Variants in OTOGL observed in about 807,000 individuals in gnomAD.
OTOGL encodes the protein otogelin like.
A neutral mutation model predicts 318.5 loss-of-function variants in OTOGL; 285 were observed. The ratio of observed to expected loss-of-function variants is 0.89; its 90% CI spans 0.81 to 0.99. The LOEUF (loss-of-function observed/expected upper bound fraction) is 0.99, where lower values mean the gene tolerates loss of function less well. Among genes scored for constraint, OTOGL ranks in the 50% least tolerant of loss-of-function variants. The probability of loss-of-function intolerance (pLI) is 0.00; values close to 1 mark genes in which losing one functional copy is unlikely to be tolerated. For synonymous variants in OTOGL, 987 were observed against 936.5 expected, an observed-to-expected ratio of 1.05 and a Z score of -0.99; for missense variants, 2,899 against 2,845.6, an observed-to-expected ratio of 1.02 and a Z score of -0.43.
rs949577105 is a variant in OTOGL, at chr12:80,261,946, T to A, written c.1890-23T>A. 3.1e-6 allele frequency: 5 copies of A among 1,606,802 alleles called. No homozygotes were observed. The African/African-American group carries it at 6.7e-5, about 22-fold the overall frequency. ...CAAATGAATGAGAGATACATGAAGA[T>A]GAGCATTGTCTTTGCTTTCTAGTTC... On this transcript the variant is annotated intron_variant, in intron 18 of 58. Transcript: ENST00000547103.
At chr12:80,319,308 A>G (rs927702184) in intron 33 of OTOGL, among the ~76,000 whole-genome samples, 3 of 152,130 alleles carry the variant, frequency 2.0e-5, no homozygotes, top group African/African-American at 7.2e-5. Flanking sequence ...CTTCTGATCC[A>G]GTGATGTTCA....
At chr12:80,106,234 C>T (rs1869446122) in intron 1 of OTOGL, among the ~76,000 whole-genome samples, 1 of 152,162 alleles carries the variant, frequency 6.6e-6, no homozygotes, top group Non-Finnish European at 1.5e-5. Context: ...GCAGATTTAT[C>T]TTCTCTTGAA....
rs1228480451 is a variant in OTOGL at position 80,210,870 on chromosome 12, T to C, written c.103T>C (p.Leu35=). Residue 35 remains leucine, a synonymous_variant, in exon 3 of 59, where the codon TTG becomes CTG. Transcript: ENST00000547103. Reference sequence around the variant, plus strand: ...AGAATATATTTGTGCATCGTCTATATTGATGGGAACATCAAAGTGAGTATT... The same window carrying C: ...AGAATATATTTGTGCATCGTCTATACTGATGGGAACATCAAAGTGAGTATT... ...LQEYICASSI[L]MGTSKNGFNE... The C allele has an allele frequency of 1.3e-6, 2 of 1,486,954 alleles. No individual in the cohort carries two copies. Among genetic ancestry groups the C allele is most frequent in the African/African-American group, 1.4e-5 (1 of 71,074 alleles). 92.1% of individuals were successfully genotyped at this position (1,486,954 alleles called of 1,614,324 possible).
chr12:80,224,961 G>A (rs113906494), intron 7 of OTOGL, among the ~76,000 whole-genome samples: 3,361 of 152,008 alleles, frequency 0.022, 130 homozygotes, highest in African/African-American at 0.076. Context: ...TCTCCATGAT[G>A]TGATTATGTA....
At chr12:80,102,484 C>T (rs1020803783) in intron 1 of OTOGL, among the ~76,000 whole-genome samples, 1 of 152,220 alleles carries the variant, frequency 6.6e-6, no homozygotes, top group Non-Finnish European at 1.5e-5. Context: ...CCTATGTCCA[C>T]TTGATTACCA....
chr12:80,151,679 G>A (rs1193937649), intron 1 of OTOGL, among the ~76,000 whole-genome samples: 3 of 152,110 alleles, frequency 2.0e-5, no homozygotes, highest in Non-Finnish European at 4.4e-5. Flanking sequence ...GACACCTTGT[G>A]GCTTGTAAAT....
intron 35 of OTOGL, among the ~76,000 whole-genome samples, chr12:80,325,045 T>C (rs1468907704): frequency 6.6e-6 from 1 of 151,586 alleles, no homozygotes; most frequent in Non-Finnish European, 1.5e-5. Flanking sequence ...TTTTTTTTAA[T>C]AATATAAGAA....
At chr12:80,112,076 G>T (rs1274435889) in intron 1 of OTOGL, among the ~76,000 whole-genome samples, 1 of 152,146 alleles carries the variant, frequency 6.6e-6, no homozygotes, top group Non-Finnish European at 1.5e-5. Context: ...AGGAATGCTT[G>T]TGATTTTTGC....
chr12:80,359,930 T>A (rs949870077), intron 52 of OTOGL, among the ~76,000 whole-genome samples: 13 of 152,228 alleles, frequency 8.5e-5, no homozygotes, highest in African/African-American at 2.9e-4. Flanking sequence ...GTGAGAAAGA[T>A]GAGGTCTAAG....
intron 1 of OTOGL, among the ~76,000 whole-genome samples, chr12:80,196,809 T>C (rs770439927): frequency 1.3e-5 from 2 of 152,198 alleles, no homozygotes; most frequent in Non-Finnish European, 2.9e-5. Context: ...TTACTGGCTT[T>C]GTGAGAAGTC....
intron 9 of OTOGL, 73 bp from the exon 10 acceptor site, chr12:80,238,778 C>T: frequency 7.5e-7 from 1 of 1,326,846 alleles, no homozygotes; most frequent in Non-Finnish European, 9.7e-7. Flanking sequence ...TGTTGAAGAA[C>T]CATGTCTGTT....
At chr12:80,274,058 A>G (rs1883614096) in intron 24 of OTOGL, among the ~76,000 whole-genome samples, 1 of 152,000 alleles carries the variant, frequency 6.6e-6, no homozygotes, top group Admixed American at 6.6e-5. Context: ...CTGAGACACA[A>G]TACTGAAATT....
At chr12:80,315,412 G>C (rs759207866) in intron 32 of OTOGL, among the ~76,000 whole-genome samples, 9 of 152,208 alleles carry the variant, frequency 5.9e-5, no homozygotes, top group Non-Finnish European at 1.0e-4. Context: ...AGGTATAGAT[G>C]TAAGAAGAGA....
chr12:80,289,984 A>G lies in OTOGL; in HGVS notation c.2929-6843A>G, dbSNP rs552844676. On this transcript the variant is annotated intron_variant, in intron 26 of 58. Coordinates refer to ENST00000547103, the MANE Select transcript of OTOGL (RefSeq NM_001378609.3). Reference sequence around the variant, plus strand: ...TGCAGCTAGCTTGGAGTCTGCCCAAACAGCTGCCCAGTTTTGTGCTTGAAA... The same window carrying G: ...TGCAGCTAGCTTGGAGTCTGCCCAAGCAGCTGCCCAGTTTTGTGCTTGAAA... Among the ~76,000 whole-genome samples the G allele has an allele frequency of 2.0e-5, 3 of 152,196 alleles. No homozygotes were observed. In the South Asian group the frequency reaches 6.2e-4, roughly 32 times the overall value.
intron 57 of OTOGL, among the ~76,000 whole-genome samples, chr12:80,374,930 C>T (rs534633174): frequency 3.9e-5 from 6 of 152,222 alleles, no homozygotes; most frequent in African/African-American, 1.4e-4. Context: ...TATGTTTTCC[C>T]TACAGATGAG....
intron 26 of OTOGL, among the ~76,000 whole-genome samples, chr12:80,295,455 G>T (rs1275210826): frequency 6.6e-6 from 1 of 152,152 alleles, no homozygotes; most frequent in East Asian, 1.9e-4. Flanking sequence ...GGGATTACAG[G>T]CGTGAGCCAC....
At chr12:80,158,755 G>A (rs1873297291) in intron 1 of OTOGL, among the ~76,000 whole-genome samples, 1 of 151,994 alleles carries the variant, frequency 6.6e-6, no homozygotes, top group South Asian at 2.1e-4. Flanking sequence ...GGTTTTCTAA[G>A]TATACGATCA....
intron 44 of OTOGL, among the ~76,000 whole-genome samples, chr12:80,346,550 A>G (rs1022847068): frequency 3.3e-5 from 5 of 152,340 alleles, no homozygotes; most frequent in African/African-American, 9.6e-5. Context: ...TAATGTTTAC[A>G]TATTCACAAA....
At chr12:80,363,875 A>G (rs528455789) in intron 52 of OTOGL, among the ~76,000 whole-genome samples, 47 of 152,170 alleles carry the variant, frequency 3.1e-4, no homozygotes, top group Non-Finnish European at 5.1e-4. Flanking sequence ...CTATGTTCAT[A>G]CATTAACCTT....
Sources: gnomAD v4.1 joint callset for allele counts (sites outside exome capture counted in the v4.1 genomes callset) on GRCh38, gnomAD v4.1.1 for gene constraint, MANE v1.5 for transcripts, NCBI Gene and HGNC (gene_info 2026-07-23, HGNC 2026-07-21) for gene names.